Variants in TBC1D3G observed in about 807,000 individuals in gnomAD.
The protein encoded by TBC1D3G is TBC1 domain family member 3G, also known as TBC1 domain family member-like.
At chr17:36,332,571 G>C (rs1416696917) in intron 12 of TBC1D3G, among the ~76,000 whole-genome samples, 182 bp downstream of exon 12, 1 of 123,736 alleles carries the variant, frequency 8.1e-6, no homozygotes, top group Non-Finnish European at 1.7e-5. Flanking sequence ...CCAGATGAAA[G>C]TCGAGAGTGT....
chr17:36,318,635 T>A, the TBC1D3G span: 1 of 250,714 alleles, frequency 4.0e-6, no homozygotes, highest in African/African-American at 8.0e-5. Flanking sequence ...TGGAATATAG[T>A]GGAAGGGACA....
chr17:36,327,294 A>AC (rs1418495434), intron 4 of TBC1D3G, among the ~76,000 whole-genome samples: 32 of 57,944 alleles, frequency 5.5e-4, no homozygotes, highest in Non-Finnish European at 1.5e-4. Context: ...TTGTGTCAGG[A>AC]CCCCACCTAG....
intron 5 of TBC1D3G, among the ~76,000 whole-genome samples, chr17:36,327,828 C>G (rs1470104618): frequency 3.0e-5 from 3 of 101,502 alleles, no homozygotes; most frequent in Non-Finnish European, 5.7e-5. Flanking sequence ...ACCCGGAGCT[C>G]AAGGCTAGGG....
At chr17:36,332,669 A>G in intron 12 of TBC1D3G, 91 bp from the exon 13 acceptor site, 1 of 1,144,828 alleles carries the variant, frequency 8.7e-7, no homozygotes, top group East Asian at 7.2e-5. Context: ...AGGATCCGGC[A>G]CCGCCCAGTA....
chr17:36,326,422 AG>A, intron 3 of TBC1D3G, among the ~76,000 whole-genome samples: 1 of 115,018 alleles, frequency 8.7e-6, no homozygotes, highest in East Asian at 4.0e-4. Flanking sequence ...ATCCCTGGGG[AG>A]GTAGGGCGGG....
At chr17:36,321,924 AGG>A (rs2069366300), upstream of TBC1D3G, among the ~76,000 whole-genome samples, 9 of 12,448 alleles carry the variant, frequency 7.2e-4, no homozygotes, top group Non-Finnish European at 1.4e-3. Context: ...AGGCTGGGGC[AGG>A]TGGACTGCTT....
chr17:36,317,790 T>G, the TBC1D3G span, among the ~76,000 whole-genome samples: 6 of 143,204 alleles, frequency 4.2e-5, no homozygotes, highest in African/African-American at 1.6e-4. Flanking sequence ...TCTTGAACAT[T>G]CAACTCATTA....
intron 3 of TBC1D3G, among the ~76,000 whole-genome samples, chr17:36,326,374 G>T (rs1388787966): frequency 2.3e-5 from 3 of 129,676 alleles, no homozygotes; most frequent in African/African-American, 2.7e-5. Context: ...CCAGCCAGGA[G>T]CCCATCCCTC....
the TBC1D3G span, among the ~76,000 whole-genome samples, chr17:36,318,503 A>G: frequency 5.2e-5 from 5 of 95,576 alleles, no homozygotes; most frequent in African/African-American, 1.9e-4. Context: ...ACCCTCAGAT[A>G]TAATTCTAAT....
chr17:36,327,654 CA>C, intron 5 of TBC1D3G, 37 bp downstream of exon 5: 2 of 951,928 alleles, frequency 2.1e-6, no homozygotes, highest in Middle Eastern at 8.2e-4. Flanking sequence ...TCTGCAGAGA[CA>C]GGGGACAGGC....
At chr17:36,318,435 C>CAAAAAAAAAAAAAAAAAAAAAAAAAAAA in the TBC1D3G span, among the ~76,000 whole-genome samples, 2 of 10,438 alleles carry the variant, frequency 1.9e-4, no homozygotes, top group African/African-American at 2.6e-4. Flanking sequence ...GACTTTGTCT[C>CAAAAAAAAAAAAAAAAAAAAAAAAAAAA]AAAAAAAAAA....
At chr17:36,317,753 A>G in the TBC1D3G span, among the ~76,000 whole-genome samples, 1 of 146,634 alleles carries the variant, frequency 6.8e-6, no homozygotes, top group Admixed American at 6.8e-5. Flanking sequence ...CATAATTTTT[A>G]TATAAGCAGT....
intron 12 of TBC1D3G, among the ~76,000 whole-genome samples, 156 bp downstream of exon 12, chr17:36,332,545 C>T (rs2069407755): frequency 8.0e-6 from 1 of 124,280 alleles, no homozygotes; most frequent in African/African-American, 3.1e-5. Context: ...GACACTGAGC[C>T]CATCCCCCAC....
At chr17:36,321,917 CTGGGGCAGG>C (rs2069366185), upstream of TBC1D3G, among the ~76,000 whole-genome samples, 1 of 12,134 alleles carries the variant, frequency 8.2e-5, no homozygotes, top group African/African-American at 3.4e-4. Context: ...CTTTGGGAGG[CTGGGGCAGG>C]TGGACTGCTT....
chr17:36,316,597 TGTGAAG>T, the TBC1D3G span, among the ~76,000 whole-genome samples: 1 of 88,358 alleles, frequency 1.1e-5, no homozygotes, highest in African/African-American at 3.1e-5. Flanking sequence ...TATTCAAATA[TGTGAAG>T]AAATGGCCTT....
chr17:36,332,951 TG>T, intron 13 of TBC1D3G, 39 bp downstream of exon 13: 1 of 354,160 alleles, frequency 2.8e-6, no homozygotes, highest in Non-Finnish European at 4.4e-6. Flanking sequence ...TGTCACCCTC[TG>T]GGGTAGTCAG....
At chr17:36,318,080 C>T in the TBC1D3G span, among the ~76,000 whole-genome samples, 1 of 76,990 alleles carries the variant, frequency 1.3e-5, no homozygotes, top group Admixed American at 1.2e-4. Flanking sequence ...CAGGCTGAGG[C>T]GGGAGGATTG....
the TBC1D3G span, among the ~76,000 whole-genome samples, chr17:36,317,703 AAC>A: frequency 2.0e-5 from 3 of 148,932 alleles, no homozygotes; most frequent in African/African-American, 5.0e-5. Flanking sequence ...TAAGTGCTTA[AAC>A]ACCATTCATT....
intron 3 of TBC1D3G, among the ~76,000 whole-genome samples, chr17:36,326,430 CG>C: frequency 9.1e-6 from 1 of 110,194 alleles, no homozygotes; most frequent in Non-Finnish European, 2.0e-5. Context: ...GGAGGTAGGG[CG>C]GGAGGGAGCT....
Sources: allele counts gnomAD v4.1 joint callset (sites outside exome capture counted in the v4.1 genomes callset), GRCh38; gene constraint gnomAD v4.1.1; transcripts MANE v1.5; gene names NCBI Gene and HGNC (gene_info 2026-07-23, HGNC 2026-07-21).